TENM3: variants seen among roughly 807,000 people sequenced by gnomAD.
TENM3 encodes teneurin-3.
TENM3 carries 63 observed loss-of-function variants against 255.1 expected under a neutral mutation model. That is an observed-to-expected ratio of 0.25 (90% CI 0.20 to 0.30). The LOEUF is 0.30. TENM3 is among the 10% of genes least tolerant of loss of function. The pLI is 1.00. For synonymous variants in TENM3, 1,306 were observed against 1,322.3 expected (o/e 0.99, Z 0.27); for missense variants, 2,929 against 3,461.1 (o/e 0.85, Z 3.86).
intron 1 of TENM3, among the ~76,000 whole-genome samples, chr4:182,304,380 T>G (rs1001295201): frequency 6.6e-6 from 1 of 152,044 alleles, no homozygotes; most frequent in African/African-American, 2.4e-5. Flanking sequence ...GCCCAGCTAA[T>G]TTTTTGTATT....
At chr4:181,462,399 T>A in the TENM3 span, among the ~76,000 whole-genome samples, 38 of 152,086 alleles carry the variant, frequency 2.5e-4, no homozygotes, top group Non-Finnish European at 4.1e-4. Flanking sequence ...ACCAGTAAGG[T>A]GGTTTGGCTC....
At chr4:182,188,462 C>T (rs1314088545) in intron 1 of TENM3, among the ~76,000 whole-genome samples, 1 of 152,168 alleles carries the variant, frequency 6.6e-6, no homozygotes. Flanking sequence ...ATGTCTGTCA[C>T]AGGTGTCTAA....
At chr4:182,597,816 T>C (rs1033906156) in intron 3 of TENM3, among the ~76,000 whole-genome samples, 1 of 152,212 alleles carries the variant, frequency 6.6e-6, no homozygotes, top group Non-Finnish European at 1.5e-5. Context: ...AGCCCAAATC[T>C]GTAGAGCTAG....
chr4:181,483,059 A>G, the TENM3 span, among the ~76,000 whole-genome samples: 1 of 152,124 alleles, frequency 6.6e-6, no homozygotes, highest in Non-Finnish European at 1.5e-5. Flanking sequence ...AAAATGTAAA[A>G]CTACAGCTGT....
the TENM3 span, among the ~76,000 whole-genome samples, chr4:181,462,094 T>C: frequency 1.3e-5 from 2 of 152,176 alleles, no homozygotes; most frequent in African/African-American, 4.8e-5. Context: ...AGTAACTTGA[T>C]CCAGGGCTAA....
At chr4:182,680,109 T>G (rs556530592) in intron 8 of TENM3, 139 bp from the exon 9 acceptor site, 2 of 752,238 alleles carry the variant, frequency 2.7e-6, no homozygotes, top group East Asian at 2.7e-5. Flanking sequence ...TGAAACACTT[T>G]GAAAATCTGC....
intron 3 of TENM3, among the ~76,000 whole-genome samples, chr4:182,571,962 C>T (rs1448919888): frequency 5.9e-5 from 9 of 152,260 alleles, no homozygotes; most frequent in African/African-American, 1.7e-4. Flanking sequence ...AGTGCAGTGG[C>T]GCGATCCTGG....
chr4:182,356,079 A>G (rs1765504549), intron 3 of TENM3, among the ~76,000 whole-genome samples: 1 of 152,066 alleles, frequency 6.6e-6, no homozygotes, highest in African/African-American at 2.4e-5. Flanking sequence ...CCAATATTTA[A>G]CATAAGGTTA....
chr4:181,457,041 C>A, the TENM3 span, among the ~76,000 whole-genome samples: 2 of 151,752 alleles, frequency 1.3e-5, no homozygotes, highest in African/African-American at 4.8e-5. Context: ...TAGAGGAAGT[C>A]TCTAAAAGTA....
chr4:182,735,137 A>G (rs528105347), intron 16 of TENM3, among the ~76,000 whole-genome samples: 1 of 152,302 alleles, frequency 6.6e-6, no homozygotes, highest in South Asian at 2.1e-4. Flanking sequence ...TCTTAAATTT[A>G]ATGGTTTCCC....
At chr4:182,287,263 C>T (rs914321884) in intron 1 of TENM3, among the ~76,000 whole-genome samples, 12 of 152,296 alleles carry the variant, frequency 7.9e-5, no homozygotes, top group Admixed American at 6.5e-4. Context: ...ATTCCCAAAT[C>T]GCCCAGTGTG....
intron 3 of TENM3, among the ~76,000 whole-genome samples, chr4:182,584,844 G>T (rs187463769): frequency 1.3e-5 from 2 of 152,060 alleles, no homozygotes; most frequent in Admixed American, 1.3e-4. Context: ...GTTTCTTCAT[G>T]CTGTTCAGGC....
chr4:181,760,732 C>T, the TENM3 span, among the ~76,000 whole-genome samples: 2 of 151,886 alleles, frequency 1.3e-5, no homozygotes, highest in East Asian at 3.9e-4. Context: ...CCTTGATGAC[C>T]ACTACCTTCC....
rs55836889 is a variant in TENM3, at chr4:182,426,007, C to CAAAAAAAAAAAAAAAAAAAAAAA, written c.511+79079_511+79101dup. Among the ~76,000 whole-genome samples the CAAAAAAAAAAAAAAAAAAAAAAA allele has an allele frequency of 2.1e-3, 186 of 90,700 alleles. 6 individuals carry two copies. Among genetic ancestry groups the CAAAAAAAAAAAAAAAAAAAAAAA allele is most frequent in the Non-Finnish European group, 2.4e-3 (111 of 45,358 alleles). 59.5% of individuals were successfully genotyped at this position (90,700 alleles called of 152,430 possible). A position where few individuals can be genotyped will look rare whatever the true frequency, so the allele number is the denominator to read the frequency against. On this transcript the variant is annotated intron_variant, in intron 3 of 27. Coordinates refer to ENST00000511685, the MANE Select transcript of TENM3 (RefSeq NM_001080477.4). ...TAAGAGACAGAGCGAGAGTCCATGTCAAAAAAAAAAAAAAAAAAAAAAACA... is the reference window on the plus strand; with the variant it reads ...TAAGAGACAGAGCGAGAGTCCATGTCAAAAAAAAAAAAAAAAAAAAAAAAAAAAAAAAAAAAAAAAAAAAAACA...
the TENM3 span, among the ~76,000 whole-genome samples, chr4:181,837,159 CA>C: frequency 1.3e-3 from 197 of 152,096 alleles, no homozygotes; most frequent in African/African-American, 4.4e-3. Flanking sequence ...ACTATCATAT[CA>C]TTTTTTTTAA....
chr4:182,700,183 C>T (rs1262920030), intron 12 of TENM3, among the ~76,000 whole-genome samples: 1 of 152,058 alleles, frequency 6.6e-6, no homozygotes, highest in African/African-American at 2.4e-5. Context: ...AGTAATATTC[C>T]TTATATGCTG....
intron 3 of TENM3, among the ~76,000 whole-genome samples, chr4:182,569,169 A>G (rs1744089329): frequency 6.6e-6 from 1 of 152,210 alleles, no homozygotes; most frequent in Non-Finnish European, 1.5e-5. Flanking sequence ...AAAACATGTA[A>G]TCAAAATCTA....
rs73008974 is a variant in TENM3, at chr4:182,636,459, G to A, written c.988+7570G>A. ...ACATATGCAAATAATACACTTGGCCGGGCACAGTGGCTCACACCTGTAATC... is the reference window on the plus strand; with the variant it reads ...ACATATGCAAATAATACACTTGGCCAGGCACAGTGGCTCACACCTGTAATC... On this transcript the variant is annotated intron_variant, in intron 5 of 27. Coordinates refer to ENST00000511685, the MANE Select transcript of TENM3 (RefSeq NM_001080477.4). Among the ~76,000 whole-genome samples the A allele has an allele frequency of 4.8e-3, 730 of 152,120 alleles. 1 individual carries two copies. Among genetic ancestry groups the A allele is most frequent in the African/African-American group, 0.016 (682 of 41,494 alleles).
the TENM3 span, among the ~76,000 whole-genome samples, chr4:181,568,889 A>C: frequency 2.6e-5 from 4 of 152,200 alleles, no homozygotes; most frequent in Non-Finnish European, 5.9e-5. Flanking sequence ...GGAGGATTAG[A>C]GGAATGAGAG....
Sources: gnomAD v4.1 joint callset for allele counts (sites outside exome capture counted in the v4.1 genomes callset) on GRCh38, gnomAD v4.1.1 for gene constraint, MANE v1.5 for transcripts, NCBI Gene and HGNC (gene_info 2026-07-23, HGNC 2026-07-21) for gene names.